EIF2S3B: variants seen among roughly 807,000 people sequenced by gnomAD.
EIF2S3B encodes eukaryotic translation initiation factor 2 subunit 3B.
EIF2S3B carries 16 observed loss-of-function variants against 26.4 expected under a neutral mutation model. The ratio of observed to expected loss-of-function variants is 0.61; its 90% confidence interval spans 0.41 to 0.92. The LOEUF is 0.92. Ranked by LOEUF, EIF2S3B falls within the 40% of genes least tolerant of loss-of-function variation. The probability of loss-of-function intolerance (pLI) is 0.00; values close to 1 mark genes in which losing one functional copy is unlikely to be tolerated. For synonymous variants in EIF2S3B, 183 were observed against 204.4 expected (o/e 0.90, Z 0.89); for missense variants, 510 against 575.5 (o/e 0.89, Z 1.16).
At chr12:10,511,195 GT>G (rs138929538), downstream of EIF2S3B, among the ~76,000 whole-genome samples, 11 of 148,478 alleles carry the variant, frequency 7.4e-5, no homozygotes, top group South Asian at 4.3e-4. Flanking sequence ...TAGAAAGAAG[GT>G]TTTTTTTTTC....
In EIF2S3B at chr12:10,506,889, A is replaced by G. The variant is rs1039619217; in HGVS notation, c.987A>G (p.Gln329=). Residue 329 remains glutamine (Q), a synonymous_variant, in exon 1 of 1, where the codon CAA becomes CAG. Transcript: ENST00000538173. ...TTTTTGCGGAGCATAATGATCTGCAATATGCTGCTCCAGGCGGTCTTATTG... is the reference window on the plus strand; with the variant it reads ...TTTTTGCGGAGCATAATGATCTGCAGTATGCTGCTCCAGGCGGTCTTATTG... ...VSLFAEHNDL[Q]YAAPGGLIGV... 1.9e-6 allele frequency: 3 copies of G among 1,613,538 alleles called. No homozygotes were observed. Among genetic ancestry groups the G allele is most frequent in the Non-Finnish European group, 1.7e-6 (2 of 1,179,552 alleles).
At chr12:10,510,467 T>C (rs1864693354), downstream of EIF2S3B, among the ~76,000 whole-genome samples, 1 of 152,196 alleles carries the variant, frequency 6.6e-6, no homozygotes, top group African/African-American at 2.4e-5. Flanking sequence ...CATTCCAAGT[T>C]TTCTCTTCTT....
At chr12:10,511,803 G>A (rs1864707289), downstream of EIF2S3B, among the ~76,000 whole-genome samples, 1 of 152,058 alleles carries the variant, frequency 6.6e-6, no homozygotes, top group Non-Finnish European at 1.5e-5. Flanking sequence ...TGTGCAAAAG[G>A]AAAGTTAAGA....
chr12:10,514,663 C>T (rs1343826296), intron 1 of EIF2S3B, among the ~76,000 whole-genome samples: 1 of 152,140 alleles, frequency 6.6e-6, no homozygotes, highest in East Asian at 1.9e-4. Flanking sequence ...GAATTATATC[C>T]ATCAAGGTGT....
Position 10,507,018 on chromosome 12 carries a change from A to G in EIF2S3B, c.1116A>G (p.Glu372=), listed in dbSNP as rs1864642249. 3 of 1,613,752 alleles carry G rather than the reference A, an allele frequency of 1.9e-6. No homozygotes were observed. The highest frequency in any genetic ancestry group is 2.5e-6 in the Non-Finnish European group (3 of 1,179,698). ...GALPEIFTEL[E]ISYFLLRRLL... ...TACCTGAGATATTCACAGAATTGGA[A>G]ATTTCCTATTTCCTGCTTAGACGGC... Residue 372 remains glutamate, a synonymous_variant, in exon 1 of 1, where the codon GAA becomes GAG. Coordinates refer to ENST00000538173, the MANE Select transcript of EIF2S3B (RefSeq NM_001357734.3).
In EIF2S3B at chr12:10,507,463, CTCTT is replaced by C. The variant is rs1864651259; in HGVS notation, c.*144_*147del. On this transcript the variant is annotated 3_prime_UTR_variant, in exon 1 of 1. Coordinates refer to ENST00000538173, the MANE Select transcript of EIF2S3B (RefSeq NM_001357734.3). ...TAGTAGGTAACGGTAAGGTTATTCT[CTCTT>C]TTTTTTTTTGGTTATGAAAACTTAG... The C allele has an allele frequency of 1.5e-5, 14 of 962,262 alleles. No homozygotes were observed. The highest frequency in any genetic ancestry group is 1.0e-4 in the South Asian group (6 of 59,084). 59.6% of individuals were successfully genotyped at this position (962,262 alleles called of 1,614,324 possible). A position where few individuals can be genotyped will look rare whatever the true frequency, so the allele number is the denominator to read the frequency against.
At chr12:10,512,699 A>G (rs1395255903), downstream of EIF2S3B, among the ~76,000 whole-genome samples, 5 of 152,080 alleles carry the variant, frequency 3.3e-5, no homozygotes. Context: ...CCTAGTGTGG[A>G]TATCACCCCC....
At chr12:10,517,661 T>G (rs1864773598) in intron 1 of EIF2S3B, among the ~76,000 whole-genome samples, 1 of 152,018 alleles carries the variant, frequency 6.6e-6, no homozygotes, top group African/African-American at 2.4e-5. Flanking sequence ...AGCTTTTGAA[T>G]GTGTTTGCTC....
chr12:10,508,753 G>C (rs1300563813), downstream of EIF2S3B, among the ~76,000 whole-genome samples: 8 of 151,454 alleles, frequency 5.3e-5, no homozygotes, highest in Non-Finnish European at 2.9e-5. Flanking sequence ...GTTAGTGTAG[G>C]GCAAATTAAA....
chr12:10,509,325 T>A (rs1274940418), downstream of EIF2S3B, among the ~76,000 whole-genome samples: 1 of 152,062 alleles, frequency 6.6e-6, no homozygotes, highest in East Asian at 1.9e-4. Flanking sequence ...AAGAGTATTA[T>A]CTTACTGTCA....
downstream of EIF2S3B, among the ~76,000 whole-genome samples, chr12:10,509,760 T>C (rs184835031): frequency 1.3e-5 from 2 of 152,100 alleles, no homozygotes; most frequent in East Asian, 1.9e-4. Context: ...CTCATCACCA[T>C]TAATTTCCAA....
In EIF2S3B at chr12:10,507,508, T is replaced by C. The variant is rs938580088; in HGVS notation, c.*187T>C. 8 of 674,116 alleles carry C rather than the reference T, an allele frequency of 1.2e-5. No homozygotes were observed. The highest frequency in any genetic ancestry group is 3.6e-5 in the African/African-American group (2 of 55,078). 41.8% of individuals were successfully genotyped at this position (674,116 alleles called of 1,614,324 possible). A position where few individuals can be genotyped will look rare whatever the true frequency, so the allele number is the denominator to read the frequency against. ...GAAAACTTAGGGACTACAATTAGTA[T>C]AAAAATTGGCATAATGTTGGATTGA... On this transcript the variant is annotated 3_prime_UTR_variant, in exon 1 of 1. Coordinates refer to ENST00000538173, the MANE Select transcript of EIF2S3B (RefSeq NM_001357734.3).
downstream of EIF2S3B, among the ~76,000 whole-genome samples, chr12:10,511,506 T>C (rs889213320): frequency 2.6e-5 from 4 of 152,086 alleles, no homozygotes; most frequent in Non-Finnish European, 5.9e-5. Flanking sequence ...GAAGTGGAAG[T>C]ACAGTCTGGG....
chr12:10,515,896 CTAAT>C (rs1430250464), intron 1 of EIF2S3B, among the ~76,000 whole-genome samples: 1 of 150,192 alleles, frequency 6.7e-6, no homozygotes, highest in African/African-American at 2.5e-5. Context: ...TACATACATA[CTAAT>C]TTATACTAGT....
At chr12:10,517,432 G>C (rs1464922104) in intron 1 of EIF2S3B, among the ~76,000 whole-genome samples, 2 of 152,096 alleles carry the variant, frequency 1.3e-5, no homozygotes, top group Admixed American at 1.3e-4. Context: ...ATGGTAGTTT[G>C]TATTTCTGTG....
At chr12:10,513,428 T>C (rs1445438554), downstream of EIF2S3B, among the ~76,000 whole-genome samples, 1 of 152,222 alleles carries the variant, frequency 6.6e-6, no homozygotes, top group Non-Finnish European at 1.5e-5. Flanking sequence ...AGTTTCAGAC[T>C]TGTTCAGTGG....
At chr12:10,508,543 A>G (rs1424981692), downstream of EIF2S3B, among the ~76,000 whole-genome samples, 2 of 150,432 alleles carry the variant, frequency 1.3e-5, no homozygotes, top group Middle Eastern at 3.2e-3. Flanking sequence ...AAAAAAAAAA[A>G]AAAAAAGAAA....
intron 1 of EIF2S3B, chr12:10,522,582 A>T: frequency 1.5e-6 from 1 of 668,236 alleles, no homozygotes; most frequent in Non-Finnish European, 2.7e-6. Flanking sequence ...ATTCTTCAAC[A>T]TCCATTGCAT....
chr12:10,519,166 G>T (rs550839609), intron 1 of EIF2S3B, among the ~76,000 whole-genome samples: 19 of 152,192 alleles, frequency 1.2e-4, no homozygotes, highest in African/African-American at 4.6e-4. Flanking sequence ...CAGCGATATA[G>T]ATCAATGTAA....
Sources: allele counts gnomAD v4.1 joint callset (sites outside exome capture counted in the v4.1 genomes callset), GRCh38; gene constraint gnomAD v4.1.1; transcripts MANE v1.5; gene names NCBI Gene and HGNC (gene_info 2026-07-23, HGNC 2026-07-21).